Variants in KIF13A observed in about 807,000 individuals in gnomAD.
KIF13A encodes kinesin-like protein KIF13A.
KIF13A carries 79 observed loss-of-function variants against 212.2 expected under a neutral mutation model. The ratio of observed to expected loss-of-function variants is 0.37; its 90% CI spans 0.31 to 0.45. The LOEUF (loss-of-function observed/expected upper bound fraction) is 0.45. Among genes scored for constraint, KIF13A ranks in the 20% least tolerant of loss-of-function variants. The pLI is 1.00. For synonymous variants in KIF13A, 789 were observed against 808.6 expected, an observed-to-expected ratio of 0.98 and a Z score of 0.41; for missense variants, 1,901 against 2,209.0, an observed-to-expected ratio of 0.86 and a Z score of 2.79.
chr6:17,965,511 A>G (rs1779224507), intron 2 of KIF13A, among the ~76,000 whole-genome samples: 1 of 152,236 alleles, frequency 6.6e-6, no homozygotes, highest in South Asian at 2.1e-4. Flanking sequence ...AATCCTTACA[A>G]GATTTCACAT....
At chr6:17,796,400 A>C (rs1262203963) in intron 23 of KIF13A, among the ~76,000 whole-genome samples, 2 of 151,360 alleles carry the variant, frequency 1.3e-5, no homozygotes, top group African/African-American at 2.4e-5. Flanking sequence ...GCGTGCCACC[A>C]CACCTGGGTA....
rs930480540 is a variant in KIF13A at position 17,828,452 on chromosome 6, G to A, written c.1402-82C>T. ...ATGTATCACAATCAATTTGAATAACGCAGCAGCATATGCACAAAAATATTA... is the reference window on the plus strand; with the variant it reads ...ATGTATCACAATCAATTTGAATAACACAGCAGCATATGCACAAAAATATTA... On this transcript the variant is annotated intron_variant, in intron 13 of 38. Transcript: ENST00000259711. The surrounding 1 kb of genome is among the most constrained non-coding windows in gnomAD (Gnocchi z 4.3). 1.8e-5 allele frequency: 22 copies of A among 1,211,102 alleles called. No homozygotes were observed. Among genetic ancestry groups the A allele is most frequent in the African/African-American group, 1.2e-4 (8 of 65,966 alleles). 75.0% of individuals were successfully genotyped at this position (1,211,102 alleles called of 1,614,324 possible).
chr6:17,975,505 C>A (rs11759050), intron 2 of KIF13A, among the ~76,000 whole-genome samples: 35,461 of 151,884 alleles, frequency 0.23, 4,366 homozygotes, highest in Admixed American at 0.34. Flanking sequence ...CAATGTAGGC[C>A]CAAAAAGGGA....
rs1030146794 is a variant in KIF13A, at chr6:17,776,014, G to T, written c.4171-952C>A. Among the ~76,000 whole-genome samples, 1 of 152,042 alleles carries T rather than the reference G, an allele frequency of 6.6e-6. No homozygotes were observed. The highest frequency in any genetic ancestry group is 2.4e-5 in the African/African-American group (1 of 41,386). On this transcript the variant is annotated intron_variant, in intron 34 of 38. Transcript: ENST00000259711. This position sits in a 1 kb window ranked among gnomAD's most constrained non-coding sequence, Gnocchi z 4.6. ...CTGCCTCAGCCACCCGAGTAGCTGGGATTACAGGCACCTGCCACGATGCCC... is the reference window on the plus strand; with the variant it reads ...CTGCCTCAGCCACCCGAGTAGCTGGTATTACAGGCACCTGCCACGATGCCC...
rs1288717408 is a variant in KIF13A at position 17,890,811 on chromosome 6, A to ATAATAATAATAATAATAG, written c.159+7356_159+7357insCTATTATTATTATTATTA. Among the ~76,000 whole-genome samples, 114 of 148,846 alleles carry ATAATAATAATAATAATAG rather than the reference A, an allele frequency of 7.7e-4. 1 individual carries two copies. The highest frequency in any genetic ancestry group is 2.5e-3 in the African/African-American group (103 of 40,640). On this transcript the variant is annotated intron_variant, in intron 3 of 38. Transcript: ENST00000259711. ...CCAGCTAATAATAATAATAATAATA[A>ATAATAATAATAATAATAG]TAATAATGTTATTATTACTATTGTT...
At chr6:17,857,076 T>A (rs1768209946) in intron 4 of KIF13A, among the ~76,000 whole-genome samples, 1 of 152,234 alleles carries the variant, frequency 6.6e-6, no homozygotes, top group African/African-American at 2.4e-5. Context: ...TCTTACATGA[T>A]AGTTCCTTTT....
chr6:17,901,836 T>C (rs1773082177), intron 2 of KIF13A, among the ~76,000 whole-genome samples: 1 of 152,144 alleles, frequency 6.6e-6, no homozygotes, highest in Non-Finnish European at 1.5e-5. Context: ...TAAACACATA[T>C]TTTAAAAATT....
In KIF13A at chr6:17,915,943, AAAAAT is replaced by A. The variant is rs1435398364; in HGVS notation, c.147-17768_147-17764del. ...GTGACAGAGAGCCAGTCTCAAAAAA[AAAAAT>A]AAAAATAAAAATAAAATAAAATAAA... On this transcript the variant is annotated intron_variant, in intron 2 of 38. Transcript: ENST00000259711. This position sits in a 1 kb window ranked among gnomAD's most constrained non-coding sequence, Gnocchi z 4.4. 6.0e-5 allele frequency among the ~76,000 whole-genome samples: 8 copies of A among 132,264 alleles called. No homozygotes were observed. Among genetic ancestry groups the A allele is most frequent in the African/African-American group, 2.0e-4 (7 of 34,472 alleles). The allele number at this position is 132,264 out of a possible 152,430, so 86.8% of individuals were successfully genotyped here.
chr6:17,764,494 C>T lies in KIF13A; in HGVS notation c.5034G>A (p.Gly1678=). 6.2e-7 allele frequency: 1 copy of T among 1,613,974 alleles called. No individual in the cohort carries two copies. The highest frequency in any genetic ancestry group is 8.5e-7 in the Non-Finnish European group (1 of 1,179,886). The part of the protein sequence containing the change: ...PLKENSALAK[G]SPSSQSIPEK... The stretch of plus-strand genomic sequence containing the variant: ...CAGGGATGCTCTGGGATGATGGGCT[C>T]CCTTTGGCTAAGGCACTGTTTTCCT... The change falls in exon 39 of 39, where the codon GGG becomes GGA. Residue 1678 remains glycine, a synonymous_variant. Transcript: ENST00000259711. The surrounding 1 kb of genome is among the most constrained non-coding windows in gnomAD (Gnocchi z 5.1).
chr6:17,862,709 G>A (rs1355769187), intron 4 of KIF13A, among the ~76,000 whole-genome samples: 1 of 152,184 alleles, frequency 6.6e-6, no homozygotes, highest in African/African-American at 2.4e-5. Flanking sequence ...AGCACTTTGG[G>A]AGGCCAAGGT....
chr6:17,801,696 C>T (rs1034909594), intron 20 of KIF13A, among the ~76,000 whole-genome samples: 6 of 152,086 alleles, frequency 3.9e-5, no homozygotes, highest in African/African-American at 7.2e-5. Context: ...ACAAGGTTCC[C>T]GGGCTCGCGC....
At chr6:17,972,833 GAAAAAA>G (rs34095609) in intron 2 of KIF13A, among the ~76,000 whole-genome samples, 2 of 113,332 alleles carry the variant, frequency 1.8e-5, no homozygotes, top group South Asian at 3.0e-4. Context: ...GAGAGAGTGA[GAAAAAA>G]AAAAAAAAAA....
At chr6:17,966,544 A>AC (rs1779332632) in intron 2 of KIF13A, among the ~76,000 whole-genome samples, 1 of 149,876 alleles carries the variant, frequency 6.7e-6, no homozygotes. Flanking sequence ...GTCAAGTATG[A>AC]CAATCTGAGC....
intron 2 of KIF13A, among the ~76,000 whole-genome samples, chr6:17,959,733 T>C (rs890226214): frequency 2.6e-5 from 4 of 152,222 alleles, no homozygotes; most frequent in African/African-American, 9.6e-5. Flanking sequence ...AATTAAAAGC[T>C]ATCAGTTCGG....
At chr6:17,842,638 T>G (rs1766633197) in intron 9 of KIF13A, among the ~76,000 whole-genome samples, 1 of 151,942 alleles carries the variant, frequency 6.6e-6, no homozygotes, top group Admixed American at 6.6e-5. Flanking sequence ...TAGGCAGGGG[T>G]GGGAGGGCCT....
chr6:17,944,880 T>C (rs1014220960), intron 2 of KIF13A, among the ~76,000 whole-genome samples: 1 of 151,998 alleles, frequency 6.6e-6, no homozygotes, highest in African/African-American at 2.4e-5. Flanking sequence ...AAAAAAGATA[T>C]CAGAATTAAT....
intron 2 of KIF13A, among the ~76,000 whole-genome samples, chr6:17,940,822 T>TA (rs1486461639): frequency 2.0e-5 from 3 of 148,850 alleles, no homozygotes; most frequent in South Asian, 2.1e-4. Context: ...AATTTATTTT[T>TA]TTTTTTTTTT....
intron 3 of KIF13A, among the ~76,000 whole-genome samples, chr6:17,885,272 C>T (rs1188449728): frequency 2.0e-5 from 3 of 152,232 alleles, no homozygotes; most frequent in African/African-American, 7.2e-5. Context: ...CAGCATGTAT[C>T]TGAACACATC....
chr6:17,818,285 A>C (rs959137866), intron 16 of KIF13A, among the ~76,000 whole-genome samples: 3 of 152,158 alleles, frequency 2.0e-5, no homozygotes, highest in Non-Finnish European at 2.9e-5. Flanking sequence ...ACACATTGGC[A>C]CTCAGTTTAA....
Sources: gnomAD v4.1 joint callset for allele counts (sites outside exome capture counted in the v4.1 genomes callset) on GRCh38, gnomAD v4.1.1 for gene constraint, Gnocchi (gnomAD v3.1) non-coding constraint, MANE v1.5 for transcripts, NCBI Gene and HGNC (gene_info 2026-07-23, HGNC 2026-07-21) for gene names.